The following MFSD8 variants were observed in gnomAD, a reference collection of about 807,000 sequenced individuals.
MFSD8 encodes major facilitator superfamily domain-containing protein 8.
In MFSD8, 55 loss-of-function variants were observed where a neutral mutation model predicts 66.4. The ratio of observed to expected loss-of-function variants is 0.83; its 90% confidence interval spans 0.67 to 1.04. The LOEUF is 1.04. Ranked by LOEUF, MFSD8 falls within the 50% of genes least tolerant of loss-of-function variation. The probability of loss-of-function intolerance (pLI) is 0.00; values close to 1 mark genes in which losing one functional copy is unlikely to be tolerated. For synonymous variants in MFSD8, 202 were observed against 212.8 expected, an observed-to-expected ratio of 0.95 and a Z score of 0.44; for missense variants, 550 against 627.6, an observed-to-expected ratio of 0.88 and a Z score of 1.32.
chr4:127,923,552 T>TTTATTTTTTATTA (rs1322039631), intron 9 of MFSD8, among the ~76,000 whole-genome samples: 2 of 130,562 alleles, frequency 1.5e-5, no homozygotes, highest in South Asian at 5.1e-4. Flanking sequence ...TTTATTTTTA[T>TTTATTTTTTATTA]TTATTATTAT....
chr4:127,965,239 G>A, upstream of MFSD8: 1 of 1,404,428 alleles, frequency 7.1e-7, no homozygotes, highest in South Asian at 1.2e-5. Flanking sequence ...GTGCGCGTGC[G>A]CACCTGACGG....
In MFSD8 at chr4:127,923,951, T is replaced by G. The variant is rs143106226; in HGVS notation, c.999-1988A>C. On this transcript the variant is annotated intron_variant, in intron 9 of 11. Transcript: ENST00000641686. ...AGGGATATTGGCCTTAAATTTTTTT[T>G]GTTGTGTCTCTGCCAGGTTTTGGTA... 5.7e-3 allele frequency among the ~76,000 whole-genome samples: 862 copies of G among 152,232 alleles called. 9 individuals carry two copies. The highest frequency in any genetic ancestry group is 0.02 in the Middle Eastern group (6 of 294).
chr4:127,949,248 A>G (rs1741555972), intron 3 of MFSD8, among the ~76,000 whole-genome samples: 1 of 152,174 alleles, frequency 6.6e-6, no homozygotes, highest in African/African-American at 2.4e-5. Flanking sequence ...CTTCCTGGAG[A>G]TTTAAGATAG....
At position 127,943,945 on chromosome 4, in the gene MFSD8, T is replaced by C. The variant is rs2148922522; in HGVS notation, c.246A>G (p.Ser82=). Residue 82 remains serine (S), a synonymous_variant, in exon 4 of 12, where the codon TCA becomes TCG. Transcript: ENST00000641686. ...AAGCTACCATTTGGCCAAGACTATA[T>C]GAAGCAATAACCCAGCCCAAAAAAC... is the stretch of plus-strand genomic sequence containing the variant. ...DTSFLGWVIA[S]YSLGQMVASP... 1.2e-6 allele frequency: 2 copies of C among 1,614,136 alleles called. No individual in the cohort carries two copies. The highest frequency in any genetic ancestry group is 1.7e-6 in the Non-Finnish European group (2 of 1,180,016).
intron 4 of MFSD8, among the ~76,000 whole-genome samples, chr4:127,942,399 T>C (rs986000961): frequency 6.6e-6 from 1 of 152,120 alleles, no homozygotes; most frequent in Admixed American, 6.5e-5. Context: ...AAAAATGGTA[T>C]CATAAGAAAA....
chr4:127,922,043 A>G, intron 9 of MFSD8, 80 bp from the exon 10 acceptor site: 1 of 1,231,862 alleles, frequency 8.1e-7, no homozygotes, highest in Non-Finnish European at 1.2e-6. Context: ...TTTAAAAACT[A>G]AAAATAATAT....
rs529042881 is a variant in MFSD8, at chr4:127,960,082, T to C, written c.63-2490A>G. Among the ~76,000 whole-genome samples, 19 of 152,338 alleles carry C rather than the reference T, an allele frequency of 1.2e-4. 1 individual carries two copies. In the South Asian group the frequency reaches 2.7e-3, roughly 22 times the overall value. On this transcript the variant is annotated intron_variant, in intron 1 of 11. Coordinates refer to ENST00000641686, the MANE Select transcript of MFSD8 (RefSeq NM_001371596.2). Reference sequence around the variant, plus strand: ...TCCCCATTTGAGATTTTCCTTCCAGTAAAACTGTAGTACTACAGTTTTATC... The same window carrying C: ...TCCCCATTTGAGATTTTCCTTCCAGCAAAACTGTAGTACTACAGTTTTATC...
At position 127,949,837 on chromosome 4, in the gene MFSD8, T is replaced by C. The variant is rs1013210722; in HGVS notation, c.165A>G (p.Val55=). 1 of 1,610,814 alleles carries C rather than the reference T, an allele frequency of 6.2e-7. No homozygotes were observed. The highest frequency in any genetic ancestry group is 1.7e-5 in the Admixed American group (1 of 59,802). The change falls in exon 3 of 12, where the codon GTA becomes GTG. Residue 55 remains valine, a synonymous_variant. Transcript: ENST00000641686. ...GATATGGCCATATGGACATCATCAC[T>C]ACAGAAAACCCTGTGAAGAAGCAAA... is the stretch of plus-strand genomic sequence containing the variant. ...TMFLSSVGFS[V]VMMSIWPYLQ...
chr4:127,942,146 A>G lies in MFSD8; in HGVS notation c.452T>C (p.Val151Ala). ...LLGIGAGNVA[V>A]VRSYTAGATS... ...AGCACCAGCAGTATATGATCTAACA[A>G]CTGCTACATTTCCTTAAAAACAAGA... The change falls in exon 5 of 12, where the codon GTT (valine) becomes GCT (alanine). Residue 151 changes from valine (V) to alanine (A), a missense_variant. By Grantham distance (64) the Val-to-Ala change is moderately conservative. Transcript: ENST00000641686. 1 of 1,611,598 alleles carries G rather than the reference A, an allele frequency of 6.2e-7. No homozygotes were observed. Among genetic ancestry groups the G allele is most frequent in the Non-Finnish European group, 8.5e-7 (1 of 1,177,842 alleles).
At chr4:127,932,503 T>A (rs1349926577) in intron 8 of MFSD8, 1 of 152,464 alleles carries the variant, frequency 6.6e-6, no homozygotes, top group Non-Finnish European at 1.5e-5. Flanking sequence ...TATAATTTCA[T>A]GGAAAGTTAT....
intron 9 of MFSD8, among the ~76,000 whole-genome samples, chr4:127,928,262 C>T (rs550375463): frequency 1.1e-4 from 16 of 152,112 alleles, no homozygotes; most frequent in South Asian, 2.1e-4. Context: ...TGTGCCACCA[C>T]GCCCTGTATT....
intron 1 of MFSD8, among the ~76,000 whole-genome samples, chr4:127,959,689 A>T (rs1560779201): frequency 2.0e-5 from 3 of 152,214 alleles, no homozygotes. Flanking sequence ...GCTAACAGTT[A>T]GTGACAGGAT....
intron 4 of MFSD8, among the ~76,000 whole-genome samples, chr4:127,943,000 C>T (rs528457740): frequency 2.4e-4 from 37 of 151,248 alleles, no homozygotes; most frequent in African/African-American, 8.2e-4. Context: ...GAGTGGATCA[C>T]GAGGTCAGGA....
intron 2 of MFSD8, among the ~76,000 whole-genome samples, chr4:127,955,418 G>A (rs1245733996): frequency 1.3e-5 from 2 of 152,044 alleles, no homozygotes; most frequent in South Asian, 2.1e-4. Context: ...GTGGGTGACT[G>A]TAATCCCAGC....
chr4:127,929,598 A>G (rs911938380), intron 9 of MFSD8, among the ~76,000 whole-genome samples: 1 of 145,804 alleles, frequency 6.9e-6, no homozygotes, highest in Non-Finnish European at 1.5e-5. Flanking sequence ...TTACAAAAAG[A>G]AAAAAAAAAA....
At chr4:127,944,390 C>T (rs1024419700) in intron 3 of MFSD8, among the ~76,000 whole-genome samples, 7 of 151,864 alleles carry the variant, frequency 4.6e-5, no homozygotes, top group Non-Finnish European at 8.8e-5. Flanking sequence ...CAGCCATTAG[C>T]GCTGTAAATC....
intron 7 of MFSD8, among the ~76,000 whole-genome samples, chr4:127,938,060 C>G (rs1448480280): frequency 1.3e-5 from 2 of 151,706 alleles, no homozygotes; most frequent in African/African-American, 4.8e-5. Context: ...ATGTATATTT[C>G]TAAAGTATAC....
intron 3 of MFSD8, among the ~76,000 whole-genome samples, chr4:127,947,177 G>A (rs2148933688): frequency 6.6e-6 from 1 of 152,238 alleles, no homozygotes; most frequent in South Asian, 2.1e-4. Context: ...ATCACCTGAG[G>A]TCAGGCGTTC....
intron 7 of MFSD8, chr4:127,933,640 CTT>C (rs1738542055): frequency 6.5e-6 from 1 of 152,968 alleles, no homozygotes; most frequent in Non-Finnish European, 1.5e-5. Context: ...ATCCTGTTAT[CTT>C]AAGAAATACT....
Sources: gnomAD v4.1 joint callset for allele counts (sites outside exome capture counted in the v4.1 genomes callset) on GRCh38, gnomAD v4.1.1 for gene constraint, MANE v1.5 for transcripts, NCBI Gene and HGNC (gene_info 2026-07-23, HGNC 2026-07-21) for gene names.